Variants in CATSPERQ observed in about 807,000 individuals in gnomAD.
CATSPERQ encodes the protein catsper channel auxiliary subunit theta.
At chr8:144,353,666 A>C in the CATSPERQ span, 27 of 1,468,898 alleles carry the variant, frequency 1.8e-5, no homozygotes, top group Middle Eastern at 4.2e-4. Context: ...CCCAGCACCG[A>C]AGACCGTGTT....
At chr8:144,354,060 C>G in the CATSPERQ span, 1 of 1,535,442 alleles carries the variant, frequency 6.5e-7, no homozygotes, top group South Asian at 1.2e-5. The surrounding 1 kb of genome is among the most constrained non-coding windows in gnomAD (Gnocchi z 4.6). Context: ...GGTTCAGCAC[C>G]AGGCGGCGCC....
At chr8:144,354,908 G>A in the CATSPERQ span, 1 of 1,367,340 alleles carries the variant, frequency 7.3e-7, no homozygotes, top group South Asian at 1.5e-5. The surrounding 1 kb of genome is among the most constrained non-coding windows in gnomAD (Gnocchi z 4.6). Context: ...CGACTGACAG[G>A]GCAGCGAGGC....
the CATSPERQ span, chr8:144,354,440 G>A: frequency 1.4e-5 from 19 of 1,324,074 alleles, no homozygotes; most frequent in Admixed American, 1.7e-4. This position sits in a 1 kb window ranked among gnomAD's most constrained non-coding sequence, Gnocchi z 4.6. Flanking sequence ...TCGCGGAGGC[G>A]ACGTCTCGCC....
At chr8:144,353,617 C>A in the CATSPERQ span, 39 of 1,456,500 alleles carry the variant, frequency 2.7e-5, 1 homozygote, top group Middle Eastern at 1.1e-3. Context: ...AGGCTGCATC[C>A]CCCGTCCTGC....
the CATSPERQ span, chr8:144,354,107 C>T: frequency 9.1e-6 from 14 of 1,535,140 alleles, no homozygotes; most frequent in Admixed American, 2.0e-5. The surrounding 1 kb of genome is among the most constrained non-coding windows in gnomAD (Gnocchi z 4.6). Context: ...AGGCCCACGC[C>T]CACGCCGTAC....
the CATSPERQ span, chr8:144,353,923 C>CCGT: frequency 6.5e-7 from 1 of 1,528,322 alleles, no homozygotes; most frequent in African/African-American, 1.4e-5. Flanking sequence ...AGCTGCCTCC[C>CCGT]CGTCCCTGGC....
chr8:144,353,768 C>T, the CATSPERQ span: 2 of 1,535,258 alleles, frequency 1.3e-6, no homozygotes, highest in East Asian at 2.4e-5. Context: ...CGTGTCTGGG[C>T]GGGACCCACC....
the CATSPERQ span, chr8:144,353,326 G>A: frequency 1.1e-3 from 1,633 of 1,518,728 alleles, 5 homozygotes; most frequent in South Asian, 3.0e-3. Flanking sequence ...ACACAGTCCC[G>A]AGGTGGGGGA....
chr8:144,354,691 G>C, the CATSPERQ span: 1 of 1,535,632 alleles, frequency 6.5e-7, no homozygotes, highest in Non-Finnish European at 8.7e-7. The surrounding 1 kb of genome is among the most constrained non-coding windows in gnomAD (Gnocchi z 4.6). Flanking sequence ...CTCCGGGCAG[G>C]TGAGTCCTAG....
chr8:144,354,612 C>G, the CATSPERQ span: 1 of 1,523,546 alleles, frequency 6.6e-7, no homozygotes, highest in South Asian at 1.2e-5. This position sits in a 1 kb window ranked among gnomAD's most constrained non-coding sequence, Gnocchi z 4.6. Flanking sequence ...CAGCCTCGCG[C>G]GCACCGTTTG....
the CATSPERQ span, chr8:144,354,755 G>A: frequency 1.3e-6 from 2 of 1,535,200 alleles, no homozygotes; most frequent in Non-Finnish European, 1.7e-6. This position sits in a 1 kb window ranked among gnomAD's most constrained non-coding sequence, Gnocchi z 4.6. Context: ...CTGCCGGCCC[G>A]GCCCTTAGGC....
chr8:144,354,772 G>A, the CATSPERQ span: 2 of 1,534,628 alleles, frequency 1.3e-6, no homozygotes, highest in East Asian at 4.9e-5. The surrounding 1 kb of genome is among the most constrained non-coding windows in gnomAD (Gnocchi z 4.6). Flanking sequence ...AGGCATCTGA[G>A]TCAGGCAGAG....
At chr8:144,353,612 G>A in the CATSPERQ span, 2 of 1,460,762 alleles carry the variant, frequency 1.4e-6, no homozygotes, top group Non-Finnish European at 1.8e-6. Context: ...CTACCAGGCT[G>A]CATCCCCCGT....
At chr8:144,353,328 G>A in the CATSPERQ span, 1 of 1,520,518 alleles carries the variant, frequency 6.6e-7, no homozygotes, top group Non-Finnish European at 8.8e-7. Flanking sequence ...ACAGTCCCGA[G>A]GTGGGGGAGG....
chr8:144,354,203 G>A, the CATSPERQ span: 1 of 1,546,270 alleles, frequency 6.5e-7, no homozygotes, highest in Non-Finnish European at 8.7e-7. The surrounding 1 kb of genome is among the most constrained non-coding windows in gnomAD (Gnocchi z 4.6). Context: ...CTCAGGGGAG[G>A]AGGGCGGTGG....
At chr8:144,353,651 C>T in the CATSPERQ span, 13 of 1,455,046 alleles carry the variant, frequency 8.9e-6, no homozygotes, top group African/African-American at 1.7e-4. Context: ...GCCCTCTCCA[C>T]GGCCCCCAGC....
chr8:144,353,651 C>G, the CATSPERQ span: 2 of 1,455,178 alleles, frequency 1.4e-6, no homozygotes, highest in Non-Finnish European at 1.8e-6. Flanking sequence ...GCCCTCTCCA[C>G]GGCCCCCAGC....
At chr8:144,353,500 C>T in the CATSPERQ span, 6 of 1,535,330 alleles carry the variant, frequency 3.9e-6, no homozygotes, top group East Asian at 2.4e-5. Flanking sequence ...AGTTTCCGGG[C>T]GATGTAACGG....
chr8:144,354,015 G>A, the CATSPERQ span: 3 of 1,535,370 alleles, frequency 2.0e-6, no homozygotes, highest in Non-Finnish European at 2.6e-6. This position sits in a 1 kb window ranked among gnomAD's most constrained non-coding sequence, Gnocchi z 4.6. Context: ...ACACGGTGCG[G>A]CCCTGGATGG....
Sources: gnomAD v4.1 joint callset for allele counts on GRCh38, gnomAD v4.1.1 for gene constraint, Gnocchi (gnomAD v3.1) non-coding constraint, MANE v1.5 for transcripts, NCBI Gene and HGNC (gene_info 2026-07-23, HGNC 2026-07-21) for gene names.